Variants in NHSL3 observed in about 807,000 individuals in gnomAD.
NHSL3 encodes the protein NHS-like protein 3.
the NHSL3 span, chr1:32,771,828 C>G: frequency 6.2e-7 from 1 of 1,611,326 alleles, no homozygotes; most frequent in Non-Finnish European, 8.5e-7. Flanking sequence ...CGCCCTCGCT[C>G]CTGCAGATGG....
At chr1:32,768,535 T>C in the NHSL3 span, 1,238,808 of 1,244,000 alleles carry the variant, frequency 1, 616,968 homozygotes, top group East Asian at 1. Flanking sequence ...GCGGAGGTTG[T>C]GGTGAGCCAA....
the NHSL3 span, among the ~76,000 whole-genome samples, chr1:32,746,511 CAA>C: frequency 6.6e-6 from 1 of 152,304 alleles, no homozygotes; most frequent in East Asian, 1.9e-4. Context: ...GCATTTTCAT[CAA>C]AGTCTTCCTA....
At chr1:32,752,973 G>GTTT in the NHSL3 span, among the ~76,000 whole-genome samples, 2 of 92,826 alleles carry the variant, frequency 2.2e-5, no homozygotes, top group Non-Finnish European at 4.3e-5. Flanking sequence ...ATATATTTTG[G>GTTT]TTTTTTTTTT....
At chr1:32,767,881 T>C in the NHSL3 span, 5 of 1,613,980 alleles carry the variant, frequency 3.1e-6, no homozygotes, top group Non-Finnish European at 4.2e-6. Context: ...ACGTCTTCTT[T>C]CCCAGTGGGC....
the NHSL3 span, among the ~76,000 whole-genome samples, chr1:32,755,804 C>T: frequency 6.6e-6 from 1 of 152,172 alleles, no homozygotes; most frequent in Non-Finnish European, 1.5e-5. Flanking sequence ...GACCTTCCAG[C>T]ACTCTCCCTG....
the NHSL3 span, among the ~76,000 whole-genome samples, chr1:32,768,426 T>C: frequency 1.8e-3 from 278 of 152,216 alleles, no homozygotes; most frequent in African/African-American, 6.4e-3. Context: ...AAACCCTGTC[T>C]CTACTAGAAA....
At chr1:32,754,929 C>A in the NHSL3 span, among the ~76,000 whole-genome samples, 1 of 152,060 alleles carries the variant, frequency 6.6e-6, no homozygotes, top group Non-Finnish European at 1.5e-5. Flanking sequence ...CGCCTCCCCC[C>A]CTCCCCCGTC....
the NHSL3 span, chr1:32,765,657 G>C: frequency 6.5e-6 from 10 of 1,531,312 alleles, no homozygotes; most frequent in Admixed American, 2.0e-4. Flanking sequence ...GCTCTGCGGC[G>C]GGGCGGGAGG....
the NHSL3 span, among the ~76,000 whole-genome samples, chr1:32,759,754 C>T: frequency 6.6e-6 from 1 of 152,302 alleles, no homozygotes; most frequent in African/African-American, 2.4e-5. Context: ...TACCCATTAA[C>T]TTTCTCAGAC....
At chr1:32,746,210 G>A in the NHSL3 span, among the ~76,000 whole-genome samples, 2 of 128,328 alleles carry the variant, frequency 1.6e-5, no homozygotes, top group East Asian at 2.2e-4. Flanking sequence ...TAGCCTGGGC[G>A]ACAGAGCGAG....
At chr1:32,771,191 C>T in the NHSL3 span, 1 of 1,611,500 alleles carries the variant, frequency 6.2e-7, no homozygotes, top group African/African-American at 1.3e-5. Flanking sequence ...GCCCCCTTCT[C>T]CCCACCTCCC....
the NHSL3 span, among the ~76,000 whole-genome samples, chr1:32,751,137 C>T: frequency 2.0e-5 from 3 of 152,114 alleles, no homozygotes; most frequent in Non-Finnish European, 2.9e-5. Flanking sequence ...AAGAGGGTCA[C>T]GAGGCATTCC....
At chr1:32,750,192 TAGG>T in the NHSL3 span, among the ~76,000 whole-genome samples, 1 of 152,132 alleles carries the variant, frequency 6.6e-6, no homozygotes, top group South Asian at 2.1e-4. Flanking sequence ...CTTCCTTGGT[TAGG>T]AGGAGTGAAA....
chr1:32,771,467 C>T, the NHSL3 span: 4 of 1,588,180 alleles, frequency 2.5e-6, no homozygotes, highest in Non-Finnish European at 3.4e-6. Flanking sequence ...GCTGAGGAGC[C>T]CCTCCAAGAT....
chr1:32,771,498 A>G, the NHSL3 span: 1 of 1,183,724 alleles, frequency 8.4e-7, no homozygotes, highest in East Asian at 3.6e-5. Flanking sequence ...CCCCTCCCCC[A>G]CCCCCTGCCC....
chr1:32,771,373 T>TGGC, the NHSL3 span: 3 of 1,301,302 alleles, frequency 2.3e-6, no homozygotes, highest in Non-Finnish European at 3.1e-6. Flanking sequence ...ACCCCCACCT[T>TGGC]CCCCACCCCC....
At chr1:32,759,563 CT>C in the NHSL3 span, among the ~76,000 whole-genome samples, 1 of 152,228 alleles carries the variant, frequency 6.6e-6, no homozygotes, top group African/African-American at 2.4e-5. Context: ...CCTCCCCTCC[CT>C]GCTCTGGGCA....
the NHSL3 span, chr1:32,769,671 A>C: frequency 6.2e-7 from 1 of 1,610,326 alleles, no homozygotes; most frequent in Non-Finnish European, 8.5e-7. Context: ...ACTGGCCCCC[A>C]GGCTCCACCT....
At chr1:32,767,135 C>T in the NHSL3 span, among the ~76,000 whole-genome samples, 109 of 152,334 alleles carry the variant, frequency 7.2e-4, 1 homozygote, top group Non-Finnish European at 5.4e-4. Context: ...TGCCAGCTGT[C>T]TCTCCTTCCT....
Sources: gnomAD v4.1 joint callset for allele counts (sites outside exome capture counted in the v4.1 genomes callset) on GRCh38, gnomAD v4.1.1 for gene constraint, MANE v1.5 for transcripts, NCBI Gene and HGNC (gene_info 2026-07-23, HGNC 2026-07-21) for gene names.